The following RBFOX1 variants were observed in gnomAD, a reference collection of about 807,000 sequenced individuals.
RBFOX1 encodes the protein RNA binding protein fox-1 homolog 1.
Under a neutral mutation model 57.7 loss-of-function variants are expected in RBFOX1, and 8 were observed. That is an observed-to-expected ratio of 0.14 (90% CI 0.08 to 0.25). The LOEUF (loss-of-function observed/expected upper bound fraction) is 0.25. Among genes scored for constraint, RBFOX1 ranks in the 10% least tolerant of loss-of-function variants. RBFOX1 has a pLI of 1.00. For synonymous variants in RBFOX1, 326 were observed against 222.4 expected, an observed-to-expected ratio of 1.47 and a Z score of -4.15; for missense variants, 611 against 548.5, an observed-to-expected ratio of 1.11 and a Z score of -1.14.
rs1019385297 is a variant in RBFOX1, at chr16:6,275,203, C to T, written c.-126-41792C>T. 7.6e-4 allele frequency among the ~76,000 whole-genome samples: 116 copies of T among 151,684 alleles called. 1 individual carries two copies. The highest frequency in any genetic ancestry group is 3.4e-3 in the Middle Eastern group (1 of 294). On this transcript the variant is annotated intron_variant, in intron 1 of 15. Coordinates refer to ENST00000550418, the MANE Select transcript of RBFOX1 (RefSeq NM_018723.4). ...GCGGGCGCCTGTAGTCCCAGCTACT[C>T]GGGAGGCTGAGGCAGGAGAAGGGTG...
intron 3 of RBFOX1, among the ~76,000 whole-genome samples, chr16:6,883,005 G>C (rs920533312): frequency 6.6e-6 from 1 of 152,088 alleles, no homozygotes; most frequent in South Asian, 2.1e-4. Flanking sequence ...GAATTGTTAA[G>C]TCCAATCTGC....
intron 5 of RBFOX1, among the ~76,000 whole-genome samples, chr16:7,529,802 A>C (rs2079564740): frequency 6.6e-6 from 1 of 152,080 alleles, no homozygotes; most frequent in Non-Finnish European, 1.5e-5. Context: ...TGAGGTCAGG[A>C]GTTCGAGACC....
intron 3 of RBFOX1, among the ~76,000 whole-genome samples, chr16:6,803,475 C>G (rs1372775248): frequency 6.6e-6 from 1 of 152,124 alleles, no homozygotes; most frequent in Non-Finnish European, 1.5e-5. Context: ...TTCCTAGGGA[C>G]TGAAATTTTT....
chr16:5,951,457 G>A (rs117277946), intron 4 of RBFOX1, among the ~76,000 whole-genome samples: 14,584 of 151,646 alleles, frequency 0.096, 939 homozygotes, highest in East Asian at 0.15. Context: ...CAAAATATAT[G>A]TGTGTGTGTG....
At chr16:6,086,190 A>G (rs915058401) in intron 1 of RBFOX1, among the ~76,000 whole-genome samples, 1 of 152,114 alleles carries the variant, frequency 6.6e-6, no homozygotes, top group Non-Finnish European at 1.5e-5. Context: ...TCCATGGTGT[A>G]TAGGTACCAC....
chr16:6,373,440 G>T (rs2090761288), intron 2 of RBFOX1, among the ~76,000 whole-genome samples: 1 of 152,006 alleles, frequency 6.6e-6, no homozygotes, highest in African/African-American at 2.4e-5. Flanking sequence ...AAGTATAACT[G>T]GATGGGAGGA....
intron 4 of RBFOX1, among the ~76,000 whole-genome samples, chr16:7,494,575 T>A (rs1291788501): frequency 6.6e-6 from 1 of 152,198 alleles, no homozygotes; most frequent in Non-Finnish European, 1.5e-5. Context: ...GATAAGAAAT[T>A]TACTTTCATG....
Position 5,955,361 on chromosome 16 carries a change from TA to T in RBFOX1, c.351+88030del, listed in dbSNP as rs1411261453. Among the ~76,000 whole-genome samples, 55 of 23,728 alleles carry T rather than the reference TA, an allele frequency of 2.3e-3. 1 individual carries two copies. The highest frequency in any genetic ancestry group is 0.014 in the African/African-American group (48 of 3,470). The allele number at this position is 23,728 out of a possible 152,430, so 15.6% of individuals were successfully genotyped here. A position where few individuals can be genotyped will look rare whatever the true frequency, so the allele number is the denominator to read the frequency against. The stretch of plus-strand genomic sequence containing the variant: ...TAAAATAAAATAAAATAAATAAAAA[TA>T]AAATAAAATAAAATAAAATAAAATA... On this transcript the variant is annotated intron_variant, in intron 4 of 19. Transcript: ENST00000641259.
chr16:6,639,488 C>T (rs1294433288), intron 2 of RBFOX1, among the ~76,000 whole-genome samples: 1 of 152,068 alleles, frequency 6.6e-6, no homozygotes, highest in African/African-American at 2.4e-5. Context: ...GGAATTAAGA[C>T]AGTTTTTAGA....
intron 4 of RBFOX1, among the ~76,000 whole-genome samples, chr16:7,432,198 C>G (rs2098687528): frequency 2.0e-5 from 3 of 152,220 alleles, no homozygotes; most frequent in African/African-American, 7.2e-5. Flanking sequence ...GGAAATGTGG[C>G]TGTCTGACTT....
chr16:6,777,465 A>G (rs1225468367), intron 3 of RBFOX1, among the ~76,000 whole-genome samples: 3 of 152,166 alleles, frequency 2.0e-5, no homozygotes. Flanking sequence ...AGCTGCATGT[A>G]AACTCAACTT....
At chr16:6,972,063 CAA>C (rs937696377) in intron 3 of RBFOX1, among the ~76,000 whole-genome samples, 18 of 152,240 alleles carry the variant, frequency 1.2e-4, no homozygotes, top group African/African-American at 3.4e-4. Flanking sequence ...GTTTCCTTAA[CAA>C]AGAGATATAT....
intron 6 of RBFOX1, among the ~76,000 whole-genome samples, chr16:7,584,870 A>G (rs1019190): frequency 0.14 from 21,626 of 152,138 alleles, 3,781 homozygotes; most frequent in African/African-American, 0.41. Context: ...AGAACCGTCA[A>G]CCTAACAGCA....
Position 7,384,019 on chromosome 16 carries a change from A to T in RBFOX1, c.28-134128A>T, listed in dbSNP as rs1016428492. Among the ~76,000 whole-genome samples, 10 of 149,852 alleles carry T rather than the reference A, an allele frequency of 6.7e-5. No homozygotes were observed. In the South Asian group the frequency reaches 2.1e-3, roughly 32 times the overall value. On this transcript the variant is annotated intron_variant, in intron 4 of 15. Transcript: ENST00000550418. ...CAGTGAGCAGAGATCGTGCCGTTGCACCCCAGCCTGGGCAACAGAGTGAGA... is the reference window on the plus strand; with the variant it reads ...CAGTGAGCAGAGATCGTGCCGTTGCTCCCCAGCCTGGGCAACAGAGTGAGA...
chr16:6,692,752 C>T (rs1389504231), intron 3 of RBFOX1, among the ~76,000 whole-genome samples: 1 of 151,966 alleles, frequency 6.6e-6, no homozygotes, highest in African/African-American at 2.4e-5. Flanking sequence ...TGATCTGTTT[C>T]AACCCACCTC....
At chr16:5,836,051 G>C (rs1157658191) in intron 3 of RBFOX1, among the ~76,000 whole-genome samples, 1 of 152,224 alleles carries the variant, frequency 6.6e-6, no homozygotes, top group Non-Finnish European at 1.5e-5. Flanking sequence ...CCAGAAGTTA[G>C]AGTGTGAGGC....
At chr16:6,109,429 G>C (rs898114058) in intron 1 of RBFOX1, among the ~76,000 whole-genome samples, 6 of 152,046 alleles carry the variant, frequency 3.9e-5, no homozygotes, top group African/African-American at 1.5e-4. Flanking sequence ...TCCCTGAAAA[G>C]CCTTTCTTAT....
intron 10 of RBFOX1, among the ~76,000 whole-genome samples, chr16:7,615,933 A>G (rs1474153085): frequency 1.3e-5 from 2 of 152,238 alleles, no homozygotes; most frequent in East Asian, 1.9e-4. Context: ...AACAACTCTC[A>G]TGCCCCACTG....
At chr16:7,536,171 C>A (rs937468195) in intron 5 of RBFOX1, among the ~76,000 whole-genome samples, 1 of 152,168 alleles carries the variant, frequency 6.6e-6, no homozygotes, top group Non-Finnish European at 1.5e-5. Context: ...GAAAGGAGAG[C>A]TGACTGTAAT....
Sources: gnomAD v4.1 joint callset for allele counts (sites outside exome capture counted in the v4.1 genomes callset) on GRCh38, gnomAD v4.1.1 for gene constraint, MANE v1.5 for transcripts, NCBI Gene and HGNC (gene_info 2026-07-23, HGNC 2026-07-21) for gene names.